The following RAP1GAP variants were observed in gnomAD, a reference collection of about 807,000 sequenced individuals.
RAP1GAP encodes rap1 GTPase-activating protein 1.
Under a neutral mutation model 87.2 loss-of-function variants are expected in RAP1GAP, and 35 were observed. That is an observed-to-expected ratio of 0.40 (90% CI 0.31 to 0.53). RAP1GAP has a LOEUF of 0.53. RAP1GAP is among the 20% of genes least tolerant of loss of function. RAP1GAP has a pLI of 0.48. For missense variants in RAP1GAP, 734 were observed against 898.9 expected, an observed-to-expected ratio of 0.82 and a Z score of 2.35; for synonymous variants, 375 against 363.9, an observed-to-expected ratio of 1.03 and a Z score of -0.35.
In RAP1GAP at chr1:21,626,400, G is replaced by A. The variant is rs1403147641; in HGVS notation, c.-112-3C>T. The A allele has an allele frequency of 2.5e-6, 4 of 1,608,820 alleles. No individual in the cohort carries two copies. Among genetic ancestry groups the A allele is most frequent in the Admixed American group, 1.7e-5 (1 of 60,000 alleles). ...GCTGGTTCTGCCCATCGCTCCTCCTGGAAGAGAAAGAGTCTGAGGTCAGGG... is the reference window on the plus strand; with the variant it reads ...GCTGGTTCTGCCCATCGCTCCTCCTAGAAGAGAAAGAGTCTGAGGTCAGGG... On this transcript the variant is annotated splice_polypyrimidine_tract_variant and splice_region_variant and intron_variant, in intron 2 of 24. Transcript: ENST00000374765.
chr1:21,628,759 G>T (rs2093039749), intron 2 of RAP1GAP, among the ~76,000 whole-genome samples: 2 of 150,902 alleles, frequency 1.3e-5, no homozygotes, highest in Admixed American at 6.6e-5. Flanking sequence ...ACAGTGGTGG[G>T]CACCTATAAC....
chr1:21,601,014 C>G (rs972106183), intron 20 of RAP1GAP, among the ~76,000 whole-genome samples: 6 of 131,354 alleles, frequency 4.6e-5, no homozygotes, highest in Admixed American at 2.7e-4. Context: ...CCCAGCCCCT[C>G]AGATACTCTT....
intron 2 of RAP1GAP, among the ~76,000 whole-genome samples, chr1:21,636,478 G>A (rs2151031640): frequency 6.6e-6 from 1 of 152,278 alleles, no homozygotes; most frequent in East Asian, 1.9e-4. Context: ...TTGTGAGAAG[G>A]TAGAAACGAT....
intron 2 of RAP1GAP, among the ~76,000 whole-genome samples, chr1:21,641,652 T>C (rs1241368781): frequency 1.3e-5 from 2 of 152,134 alleles, no homozygotes; most frequent in Non-Finnish European, 2.9e-5. Context: ...AATTAACGAG[T>C]GGCTAATGGA....
At chr1:21,604,076 G>C (rs879697639) in intron 18 of RAP1GAP, among the ~76,000 whole-genome samples, 1 of 152,050 alleles carries the variant, frequency 6.6e-6, no homozygotes, top group Non-Finnish European at 1.5e-5. Flanking sequence ...GGAGAGATAG[G>C]GCCGGGGAAA....
chr1:21,600,437 C>T (rs1329295273), intron 20 of RAP1GAP, among the ~76,000 whole-genome samples: 4 of 152,208 alleles, frequency 2.6e-5, no homozygotes, highest in African/African-American at 7.2e-5. Flanking sequence ...GCTCAGCCAA[C>T]GGACACCAAA....
At chr1:21,662,244 T>C (rs951359235) in intron 1 of RAP1GAP, among the ~76,000 whole-genome samples, 1 of 152,218 alleles carries the variant, frequency 6.6e-6, no homozygotes, top group African/African-American at 2.4e-5. Context: ...TGGATGAATC[T>C]TGCTGGCCCC....
chr1:21,602,894 T>C lies in RAP1GAP; in HGVS notation c.1448A>G (p.Lys483Arg), dbSNP rs766264485. ...GCCCGACTTCTTCCTCGTGGGGCTC[T>C]TCCCAGGGACAATCAGTGACTGTGG... is the stretch of plus-strand genomic sequence containing the variant. The part of the protein sequence containing the change: ...AAGISLIVPG[K>R]SPTRKKSGPF... The change falls in exon 19 of 25, where the codon AAG (lysine) becomes AGG (arginine). Residue 483 changes from lysine to arginine, a missense_variant. Transcript: ENST00000374765. 6 of 1,610,480 alleles carry C rather than the reference T, an allele frequency of 3.7e-6. No individual in the cohort carries two copies. The highest frequency in any genetic ancestry group is 5.1e-6 in the Non-Finnish European group (6 of 1,179,504).
At position 21,634,829 on chromosome 1, in the gene RAP1GAP, C is replaced by A. The variant is rs765729966; in HGVS notation, c.-112-8432G>T. ...GAGCCCCACTGTGGCCAAAACCTGA[C>A]CCTTCCCACCCCACCGAGGACTTCA... On this transcript the variant is annotated intron_variant, in intron 2 of 24. Coordinates refer to ENST00000374765, the MANE Select transcript of RAP1GAP (RefSeq NM_002885.4). The surrounding 1 kb of genome is among the most constrained non-coding windows in gnomAD (Gnocchi z 4.1). 2 of 387,846 alleles carry A rather than the reference C, an allele frequency of 5.2e-6. No individual in the cohort carries two copies. Among genetic ancestry groups the A allele is most frequent in the Non-Finnish European group, 1.1e-5 (2 of 182,516 alleles). 24.0% of individuals were successfully genotyped at this position (387,846 alleles called of 1,614,324 possible).
chr1:21,653,946 C>T (rs935477564), intron 1 of RAP1GAP, among the ~76,000 whole-genome samples: 1 of 152,154 alleles, frequency 6.6e-6, no homozygotes, highest in African/African-American at 2.4e-5. Context: ...GCCTGGCCCC[C>T]GGGAGGCCCC....
chr1:21,613,324 C>A lies in RAP1GAP; in HGVS notation c.475-95G>T, dbSNP rs76729805. The A allele has an allele frequency of 1.7e-3, 2,060 of 1,192,754 alleles. 38 individuals carry two copies. The African/African-American group carries it at 0.027, about 16-fold the overall frequency. 73.9% of individuals were successfully genotyped at this position (1,192,754 alleles called of 1,614,324 possible). On this transcript the variant is annotated intron_variant, in intron 9 of 24. Transcript: ENST00000374765. The surrounding 1 kb of genome is among the most constrained non-coding windows in gnomAD (Gnocchi z 4.7). ...TCCCTGGTCAAGGTCTGGGGAGGAG[C>A]CATGCTGGGAATGGCCAAGGCTAAA...
intron 20 of RAP1GAP, among the ~76,000 whole-genome samples, chr1:21,600,777 TGG>T (rs2067541752): frequency 6.7e-6 from 1 of 148,652 alleles, no homozygotes; most frequent in Admixed American, 6.9e-5. Context: ...CCCAGCTACT[TGG>T]GGGGCTGAGG....
chr1:21,618,927 A>G, intron 5 of RAP1GAP, 98 bp downstream of exon 5: 3 of 1,350,638 alleles, frequency 2.2e-6, no homozygotes, highest in Non-Finnish European at 3.1e-6. Flanking sequence ...CTACTTGCTG[A>G]AAGGGGATGG....
In RAP1GAP at chr1:21,598,005, T is replaced by A; in HGVS notation, c.1939A>T (p.Ile647Phe). The change falls in exon 23 of 25, where the codon ATC becomes TTC. Residue 647 changes from isoleucine to phenylalanine, a missense_variant. Physicochemically the swap from Ile to Phe is conservative, Grantham distance 21. Transcript: ENST00000374765. ...GKLGDPACPEIKIQLEASEQH... is the reference protein window; with the variant it reads ...GKLGDPACPEFKIQLEASEQH... ...TCAGATGCTTCCAGCTGGATCTTGA[T>A]CTCGGGACACGCAGGGTCCCCCAAC... The A allele has an allele frequency of 1.9e-6, 3 of 1,582,998 alleles. No individual in the cohort carries two copies. Among genetic ancestry groups the A allele is most frequent in the Non-Finnish European group, 1.7e-6 (2 of 1,165,632 alleles).
At chr1:21,611,940 T>C (rs2078593634) in intron 11 of RAP1GAP, 86 bp downstream of exon 11, 4 of 1,482,356 alleles carry the variant, frequency 2.7e-6, no homozygotes, top group Non-Finnish European at 3.7e-6. Flanking sequence ...CCTGAGTCCC[T>C]TGGCCGGTGT....
Position 21,634,060 on chromosome 1 carries a change from G to T in RAP1GAP, c.-112-7663C>A, listed in dbSNP as rs1394353756. ...GCTGCCCCAGAACTGCCCCCTCCCG[G>T]GGGGGGGGGGGGGCCACAGAAGCCC... On this transcript the variant is annotated intron_variant, in intron 2 of 24. Transcript: ENST00000374765. The surrounding 1 kb of genome is among the most constrained non-coding windows in gnomAD (Gnocchi z 4.1). Among the ~76,000 whole-genome samples the T allele has an allele frequency of 9.3e-3, 6 of 644 alleles. No individual in the cohort carries two copies. Among genetic ancestry groups the T allele is most frequent in the Admixed American group, 0.032 (2 of 62 alleles). The allele number at this position is 644 out of a possible 152,430, so 0.4% of individuals were successfully genotyped here.
chr1:21,666,199 TCA>T (rs1193996704), intron 1 of RAP1GAP, among the ~76,000 whole-genome samples: 4 of 152,138 alleles, frequency 2.6e-5, no homozygotes, highest in African/African-American at 9.7e-5. Flanking sequence ...CGCCAGTCTC[TCA>T]GAGGCACAGG....
rs180841022 is a variant in RAP1GAP at position 21,625,859 on chromosome 1, T to G, written c.-19+445A>C. Among the ~76,000 whole-genome samples the G allele has an allele frequency of 2.1e-4, 32 of 152,296 alleles. No individual in the cohort carries two copies. The East Asian group carries it at 6.2e-3, about 29-fold the overall frequency. ...GGCAAACGTTTGATTTTAACGATAA[T>G]GATAGAGGCTCGTTGACAGGGCTCT... is the stretch of plus-strand genomic sequence containing the variant. On this transcript the variant is annotated intron_variant, in intron 3 of 24. Transcript: ENST00000374765.
At chr1:21,633,347 T>A (rs1476662231) in intron 2 of RAP1GAP, among the ~76,000 whole-genome samples, 2 of 152,178 alleles carry the variant, frequency 1.3e-5, no homozygotes, top group African/African-American at 4.8e-5. Context: ...CTCCCCAGGC[T>A]GCAGGCAGCT....
Sources: gnomAD v4.1 joint callset for allele counts (sites outside exome capture counted in the v4.1 genomes callset) on GRCh38, gnomAD v4.1.1 for gene constraint, Gnocchi (gnomAD v3.1) non-coding constraint, MANE v1.5 for transcripts, NCBI Gene and HGNC (gene_info 2026-07-23, HGNC 2026-07-21) for gene names.